Variants in KIAA1328 observed in about 807,000 individuals in gnomAD.
KIAA1328 encodes the protein KIAA1328.
A neutral mutation model predicts 68.1 loss-of-function variants in KIAA1328; 52 were observed. That is an observed-to-expected ratio of 0.76 (90% CI 0.61 to 0.96). The LOEUF is 0.96. KIAA1328 is among the 40% of genes least tolerant of loss of function. The probability of loss-of-function intolerance (pLI) is 0.00; values close to 1 mark genes in which losing one functional copy is unlikely to be tolerated. For missense variants in KIAA1328, 641 were observed against 677.6 expected (o/e 0.95, Z 0.60); for synonymous variants, 232 against 239.4 (o/e 0.97, Z 0.28).
rs954924571 is a variant in KIAA1328 at position 36,835,335 on chromosome 18, A to G, written c.196A>G (p.Met66Val). The change falls in exon 3 of 10, where the codon ATG (methionine) becomes GTG (valine). Residue 66 changes from methionine (M) to valine (V), a missense_variant. Coordinates refer to ENST00000280020, the MANE Select transcript of KIAA1328 (RefSeq NM_020776.3). ...TSRVTDASISMESLKGTGDSV... is the reference protein window; with the variant it reads ...TSRVTDASISVESLKGTGDSV... The stretch of plus-strand genomic sequence containing the variant: ...CAGGGTGACTGATGCTTCAATCTCC[A>G]TGGAGTCCTTAAAAGGCACAGGAGA... The G allele has an allele frequency of 2.5e-6, 4 of 1,613,704 alleles. No homozygotes were observed. The highest frequency in any genetic ancestry group is 8.5e-7 in the Non-Finnish European group (1 of 1,179,708).
intron 4 of KIAA1328, among the ~76,000 whole-genome samples, chr18:36,877,574 G>C (rs1341355089): frequency 9.0e-6 from 1 of 110,996 alleles, no homozygotes. Context: ...CCTTTATTTT[G>C]AGCCTATGTG....
chr18:36,921,566 G>A (rs2049924884), intron 5 of KIAA1328, among the ~76,000 whole-genome samples: 1 of 151,896 alleles, frequency 6.6e-6, no homozygotes, highest in African/African-American at 2.4e-5. Context: ...ACCACACCGA[G>A]CTAATTTTTT....
intron 9 of KIAA1328, among the ~76,000 whole-genome samples, chr18:37,182,083 G>C (rs1331148675): frequency 6.6e-6 from 1 of 152,076 alleles, no homozygotes; most frequent in South Asian, 2.1e-4. Context: ...TCTGAAAACT[G>C]CTATGAATGG....
chr18:37,152,462 C>G (rs919165124), intron 7 of KIAA1328, among the ~76,000 whole-genome samples: 4 of 152,034 alleles, frequency 2.6e-5, no homozygotes, highest in Admixed American at 1.3e-4. Context: ...AGCAGGGTAC[C>G]TTTTGTCTCT....
At chr18:36,858,882 G>A (rs966086471) in intron 4 of KIAA1328, among the ~76,000 whole-genome samples, 3 of 152,090 alleles carry the variant, frequency 2.0e-5, no homozygotes, top group Admixed American at 2.0e-4. Flanking sequence ...ATACTTTTAT[G>A]GTTGCCTTTT....
intron 7 of KIAA1328, among the ~76,000 whole-genome samples, chr18:37,156,209 C>A (rs2059148066): frequency 6.6e-6 from 1 of 151,880 alleles, no homozygotes; most frequent in Non-Finnish European, 1.5e-5. Flanking sequence ...GAGTTCGAGA[C>A]CAGCCTCACC....
At chr18:37,205,119 C>G (rs994174313) in intron 9 of KIAA1328, among the ~76,000 whole-genome samples, 1 of 152,126 alleles carries the variant, frequency 6.6e-6, no homozygotes, top group African/African-American at 2.4e-5. Context: ...GAAACAGTCC[C>G]AAAGACAGCT....
chr18:36,852,710 C>A (rs1418923643), intron 4 of KIAA1328, among the ~76,000 whole-genome samples: 1 of 152,074 alleles, frequency 6.6e-6, no homozygotes, highest in Non-Finnish European at 1.5e-5. Context: ...TTTTTGTTAT[C>A]ATTTCTATGT....
intron 7 of KIAA1328, among the ~76,000 whole-genome samples, chr18:37,124,702 T>C (rs778681781): frequency 3.3e-5 from 5 of 152,332 alleles, no homozygotes; most frequent in Non-Finnish European, 7.4e-5. Context: ...TGACCTCATT[T>C]TATTCAACTG....
Position 36,893,465 on chromosome 18 carries a change from T to TTTTGTGTG in KIAA1328, c.448+7794_448+7795insTTGTGTGT, listed in dbSNP as rs1556812093. On this transcript the variant is annotated intron_variant, in intron 5 of 9. Coordinates refer to ENST00000280020, the MANE Select transcript of KIAA1328 (RefSeq NM_020776.3). The stretch of plus-strand genomic sequence containing the variant: ...TGTGTGTGTGTGTGTGTGTGTGTTT[T>TTTTGTGTG]TGTGTGTGTGTGTGTGTGTGTGTGT... 3.3e-5 allele frequency among the ~76,000 whole-genome samples: 4 copies of TTTTGTGTG among 120,596 alleles called. No individual in the cohort carries two copies. In the Admixed American group the frequency reaches 3.7e-4, roughly 11 times the overall value. 79.1% of individuals were successfully genotyped at this position (120,596 alleles called of 152,430 possible). A position where few individuals can be genotyped will look rare whatever the true frequency, so the allele number is the denominator to read the frequency against.
intron 4 of KIAA1328, among the ~76,000 whole-genome samples, chr18:36,868,572 G>A (rs1241757754): frequency 2.6e-5 from 4 of 151,966 alleles, no homozygotes; most frequent in African/African-American, 4.8e-5. Flanking sequence ...ATAGACTACC[G>A]CACAGATTGT....
chr18:37,226,861 G>A (rs890320443), downstream of KIAA1328, among the ~76,000 whole-genome samples: 7 of 151,376 alleles, frequency 4.6e-5, no homozygotes, highest in African/African-American at 1.2e-4. Context: ...TCCGCCTCCC[G>A]GGTTCAAGCA....
chr18:37,180,690 A>G (rs947178593), intron 9 of KIAA1328, among the ~76,000 whole-genome samples: 3 of 151,568 alleles, frequency 2.0e-5, no homozygotes, highest in Non-Finnish European at 4.4e-5. Context: ...TAAATATTTT[A>G]AACACTCAAC....
At chr18:37,051,903 G>A (rs555713656) in intron 6 of KIAA1328, among the ~76,000 whole-genome samples, 6 of 152,120 alleles carry the variant, frequency 3.9e-5, no homozygotes, top group South Asian at 2.1e-4. Flanking sequence ...TTAGCCAGGC[G>A]TGGTGCTGGG....
chr18:37,032,455 T>C (rs2054867488), intron 6 of KIAA1328, among the ~76,000 whole-genome samples: 1 of 152,140 alleles, frequency 6.6e-6, no homozygotes. Context: ...ATCATTTTAT[T>C]TATACCTGGA....
rs565644223 is a variant in KIAA1328, at chr18:37,026,505, T to C, written c.577-40385T>C. Among the ~76,000 whole-genome samples the C allele has an allele frequency of 9.9e-4, 150 of 152,236 alleles. 1 individual carries two copies. The highest frequency in any genetic ancestry group is 1.8e-3 in the Non-Finnish European group (124 of 68,002). On this transcript the variant is annotated intron_variant, in intron 6 of 9. Transcript: ENST00000280020. ...TACTGGCAAACCGAATCCAGCAGCA[T>C]ATCAGAAAGCTTATCCACCATGACC...
chr18:37,165,612 CAG>C lies in KIAA1328; in HGVS notation c.1414+5234_1414+5235del, dbSNP rs898703858. On this transcript the variant is annotated intron_variant, in intron 8 of 9. Coordinates refer to ENST00000280020, the MANE Select transcript of KIAA1328 (RefSeq NM_020776.3). Reference sequence around the variant, plus strand: ...TTTTTTTTTTTTTTTTTTTTTTAGACAGAGTTTTTGATCTTGTTTCCCAGGGT... The same window carrying C: ...TTTTTTTTTTTTTTTTTTTTTTAGACAGTTTTTGATCTTGTTTCCCAGGGT... Among the ~76,000 whole-genome samples, 25 of 131,444 alleles carry C rather than the reference CAG, an allele frequency of 1.9e-4. No individual in the cohort carries two copies. In the East Asian group the frequency reaches 2.0e-3, roughly 11 times the overall value. The allele number at this position is 131,444 out of a possible 152,430, so 86.2% of individuals were successfully genotyped here.
At chr18:37,114,970 G>A (rs576147841) in intron 7 of KIAA1328, among the ~76,000 whole-genome samples, 4 of 152,136 alleles carry the variant, frequency 2.6e-5, no homozygotes, top group African/African-American at 9.7e-5. Flanking sequence ...CAAGGAAGAA[G>A]TTGAATCCCT....
intron 7 of KIAA1328, among the ~76,000 whole-genome samples, chr18:37,095,079 A>G (rs2057367729): frequency 2.0e-5 from 3 of 152,210 alleles, no homozygotes; most frequent in Non-Finnish European, 2.9e-5. Context: ...GCATCAAGAC[A>G]TATAAAGGAT....
Sources: gnomAD v4.1 joint callset for allele counts (sites outside exome capture counted in the v4.1 genomes callset) on GRCh38, gnomAD v4.1.1 for gene constraint, MANE v1.5 for transcripts, NCBI Gene and HGNC (gene_info 2026-07-23, HGNC 2026-07-21) for gene names.